Variants in KIAA1549L observed in about 807,000 individuals in gnomAD.
KIAA1549L encodes KIAA1549 like.
A neutral mutation model predicts 160.7 loss-of-function variants in KIAA1549L; 88 were observed. That is an observed-to-expected ratio of 0.55 (90% confidence interval 0.46 to 0.65). KIAA1549L has a LOEUF of 0.65. KIAA1549L is among the 30% of genes least tolerant of loss of function. The pLI is 0.00. For synonymous variants in KIAA1549L, 950 were observed against 976.7 expected, an observed-to-expected ratio of 0.97 and a Z score of 0.51; for missense variants, 2,258 against 2,437.5, an observed-to-expected ratio of 0.93 and a Z score of 1.55.
intron 15 of KIAA1549L, 38 bp from the exon 16 acceptor site, chr11:33,618,495 C>T (rs1462847204): frequency 6.4e-7 from 1 of 1,567,454 alleles, no homozygotes; most frequent in Non-Finnish European, 8.7e-7. Context: ...TCTGTCAGGG[C>T]ATTTGCTGCA....
chr11:33,425,354 G>A (rs1488159276), intron 1 of KIAA1549L, among the ~76,000 whole-genome samples: 4 of 152,166 alleles, frequency 2.6e-5, no homozygotes, highest in Admixed American at 2.6e-4. Context: ...TGTACTTGCA[G>A]CAAATAAAGT....
intron 1 of KIAA1549L, among the ~76,000 whole-genome samples, chr11:33,533,800 T>A (rs969355729): frequency 6.6e-6 from 1 of 152,246 alleles, no homozygotes; most frequent in Non-Finnish European, 1.5e-5. Context: ...TGAGAGTCTT[T>A]ATCTTGCTTG....
intron 1 of KIAA1549L, among the ~76,000 whole-genome samples, chr11:33,426,270 G>A (rs1375083733): frequency 6.6e-6 from 1 of 152,200 alleles, no homozygotes; most frequent in Non-Finnish European, 1.5e-5. Flanking sequence ...TTTTCTATGA[G>A]TCTGAAGTTT....
At chr11:33,617,243 C>G (rs993929988) in intron 15 of KIAA1549L, among the ~76,000 whole-genome samples, 1 of 152,046 alleles carries the variant, frequency 6.6e-6, no homozygotes, top group Admixed American at 6.5e-5. Flanking sequence ...AAGTGCTATC[C>G]CTTTGCCACC....
At chr11:33,431,756 C>T (rs1851249032) in intron 1 of KIAA1549L, among the ~76,000 whole-genome samples, 1 of 152,258 alleles carries the variant, frequency 6.6e-6, no homozygotes. Context: ...ACTTCTCAGC[C>T]CTTGGGTGGT....
intron 15 of KIAA1549L, among the ~76,000 whole-genome samples, chr11:33,617,760 T>C (rs949710917): frequency 4.0e-5 from 6 of 151,364 alleles, no homozygotes; most frequent in Non-Finnish European, 8.8e-5. Context: ...TGGCACATAG[T>C]AGGCATTCGG....
chr11:33,436,101 G>C (rs887754443), intron 1 of KIAA1549L, among the ~76,000 whole-genome samples: 8 of 151,748 alleles, frequency 5.3e-5, no homozygotes, highest in Non-Finnish European at 1.0e-4. Flanking sequence ...AGATGTAATT[G>C]CATAGCTTAT....
chr11:33,617,104 C>T (rs1850831110), intron 15 of KIAA1549L, among the ~76,000 whole-genome samples: 1 of 150,228 alleles, frequency 6.7e-6, no homozygotes, highest in South Asian at 2.1e-4. Context: ...CCGCTGCACT[C>T]CAGCCAGGGT....
At chr11:33,660,515 A>G (rs1483679142) in intron 19 of KIAA1549L, among the ~76,000 whole-genome samples, 1 of 152,086 alleles carries the variant, frequency 6.6e-6, no homozygotes, top group East Asian at 1.9e-4. Flanking sequence ...CAGTGAGCCA[A>G]GATCGCGACA....
At chr11:33,517,854 C>A (rs528123134) in intron 1 of KIAA1549L, among the ~76,000 whole-genome samples, 1 of 152,064 alleles carries the variant, frequency 6.6e-6, no homozygotes, top group East Asian at 1.9e-4. Flanking sequence ...ACTTAAAAGA[C>A]ATTGCAGGCA....
At chr11:33,418,572 C>T (rs1850933510) in intron 1 of KIAA1549L, among the ~76,000 whole-genome samples, 3 of 152,298 alleles carry the variant, frequency 2.0e-5, no homozygotes, top group South Asian at 4.1e-4. Context: ...AACCTCGCCT[C>T]GTAACAAACA....
intron 8 of KIAA1549L, among the ~76,000 whole-genome samples, chr11:33,563,348 CAAAAA>C (rs68027285): frequency 7.3e-5 from 7 of 95,908 alleles, no homozygotes; most frequent in South Asian, 3.6e-4. Flanking sequence ...GACCGTGTCT[CAAAAA>C]AAAAAAAAAA....
intron 1 of KIAA1549L, among the ~76,000 whole-genome samples, chr11:33,512,999 G>A (rs1409348394): frequency 6.6e-6 from 1 of 152,082 alleles, no homozygotes; most frequent in African/African-American, 2.4e-5. Context: ...AACCTTTGGC[G>A]GTGATACCTT....
At chr11:33,546,827 C>T (rs1400214866) in intron 3 of KIAA1549L, among the ~76,000 whole-genome samples, 2 of 152,142 alleles carry the variant, frequency 1.3e-5, no homozygotes, top group Non-Finnish European at 2.9e-5. Context: ...TCATGCATAC[C>T]TATGATAAAG....
intron 1 of KIAA1549L, among the ~76,000 whole-genome samples, chr11:33,459,065 A>G (rs1228885423): frequency 6.6e-6 from 1 of 152,212 alleles, no homozygotes. Context: ...TGCCATTGCC[A>G]GCTGCTATGA....
chr11:33,527,989 C>T lies in KIAA1549L; in HGVS notation c.239-13813C>T, dbSNP rs962067852. Among the ~76,000 whole-genome samples, 6 of 152,048 alleles carry T rather than the reference C, an allele frequency of 3.9e-5. No homozygotes were observed. The East Asian group carries it at 5.8e-4, about 15-fold the overall frequency. On this transcript the variant is annotated intron_variant, in intron 1 of 20. Coordinates refer to ENST00000658780, the MANE Select transcript of KIAA1549L (RefSeq NM_012194.3). ...TTCTCATGATAGTGAATAAGTCTCA[C>T]GAAATCTGATGGTTTTATAAAGGGG...
At chr11:33,484,632 G>A (rs1050607276) in intron 1 of KIAA1549L, among the ~76,000 whole-genome samples, 1 of 152,186 alleles carries the variant, frequency 6.6e-6, no homozygotes, top group Non-Finnish European at 1.5e-5. Flanking sequence ...TTTGCACCAT[G>A]CTGGACGGAG....
intron 1 of KIAA1549L, among the ~76,000 whole-genome samples, chr11:33,406,348 C>T (rs929329757): frequency 6.6e-6 from 1 of 152,134 alleles, no homozygotes; most frequent in African/African-American, 2.4e-5. Context: ...GGAGGGGGTT[C>T]CTGCCGGCTG....
At chr11:33,642,802 A>G (rs1230423995) in intron 16 of KIAA1549L, among the ~76,000 whole-genome samples, 1 of 152,242 alleles carries the variant, frequency 6.6e-6, no homozygotes, top group African/African-American at 2.4e-5. Flanking sequence ...AGAATTGAGC[A>G]TACTGACATA....
Sources: allele counts gnomAD v4.1 joint callset (sites outside exome capture counted in the v4.1 genomes callset), GRCh38; gene constraint gnomAD v4.1.1; transcripts MANE v1.5; gene names NCBI Gene and HGNC (gene_info 2026-07-23, HGNC 2026-07-21).